Variants in AMPD3 observed in about 807,000 individuals in gnomAD.
AMPD3 encodes the protein adenosine monophosphate deaminase 3.
A neutral mutation model predicts 82.3 loss-of-function variants in AMPD3; 57 were observed. That is an observed-to-expected ratio of 0.69 (90% confidence interval 0.56 to 0.86). The LOEUF (loss-of-function observed/expected upper bound fraction) is 0.86, where lower values mean the gene tolerates loss of function less well. Among genes scored for constraint, AMPD3 ranks in the 40% least tolerant of loss-of-function variants. The probability of loss-of-function intolerance (pLI) is 0.00; values close to 1 mark genes in which losing one functional copy is unlikely to be tolerated. For missense variants in AMPD3, 870 were observed against 1,003.8 expected (o/e 0.87, Z 1.80); for synonymous variants, 381 against 394.7 (o/e 0.97, Z 0.41).
rs564551276 is a variant in AMPD3, at chr11:10,499,695, C to T, written c.1558-391C>T. ...GTGTACTAGGACCCTTTTCCCTCAT[C>T]GCTTGTCGCTGCTGCTGATGGCAAT... On this transcript the variant is annotated intron_variant, in intron 10 of 14. Coordinates refer to ENST00000396553, the MANE Select transcript of AMPD3 (RefSeq NM_001025389.2). 47 of 985,294 alleles carry T rather than the reference C, an allele frequency of 4.8e-5. 1 individual carries two copies. Among genetic ancestry groups the T allele is most frequent in the African/African-American group, 2.6e-4 (15 of 57,302 alleles). The allele number at this position is 985,294 out of a possible 1,614,324, so 61.0% of individuals were successfully genotyped here.
intron 3 of AMPD3, chr11:10,481,522 G>A (rs1359871091): frequency 1.0e-6 from 1 of 984,790 alleles, no homozygotes; most frequent in Admixed American, 6.2e-5. Flanking sequence ...TGTGTTGGGG[G>A]TCTCCAAGAC....
intron 13 of AMPD3, 22 bp from the exon 14 acceptor site, chr11:10,504,527 C>T (rs1240135477): frequency 6.3e-7 from 1 of 1,599,606 alleles, no homozygotes; most frequent in Non-Finnish European, 8.6e-7. Flanking sequence ...TTCTAATCCA[C>T]ATGCTTTGGG....
intron 12 of AMPD3, 66 bp from the exon 13 acceptor site, chr11:10,502,655 C>T (rs1849611430): frequency 6.2e-7 from 1 of 1,600,786 alleles, no homozygotes; most frequent in Non-Finnish European, 8.5e-7. Flanking sequence ...CCCTTCCTTT[C>T]TCCCTTCCCT....
intron 2 of AMPD3, among the ~76,000 whole-genome samples, chr11:10,462,785 G>A (rs1848309545): frequency 3.3e-5 from 5 of 152,192 alleles, no homozygotes; most frequent in Admixed American, 3.3e-4. Flanking sequence ...GTCAGGGAAG[G>A]CCTCTCCAAG....
chr11:10,480,179 C>T (rs764552533), intron 3 of AMPD3, among the ~76,000 whole-genome samples: 6 of 152,212 alleles, frequency 3.9e-5, no homozygotes, highest in Non-Finnish European at 5.9e-5. Context: ...CTCCTTGGCA[C>T]GCAGTAGGTC....
chr11:10,452,794 T>G (rs757215531), upstream of AMPD3, among the ~76,000 whole-genome samples: 3 of 152,220 alleles, frequency 2.0e-5, no homozygotes, highest in African/African-American at 7.2e-5. Flanking sequence ...TCACTTATGC[T>G]CATTGTCATG....
rs772758035 is a variant in AMPD3, at chr11:10,495,045, A to C, written c.1266+15A>C. On this transcript the variant is annotated intron_variant, in intron 8 of 14. Transcript: ENST00000396553. ...GGATGGTCAAGGTGAGTGAACCCTCAGTCTCTCTGAGGCCTCTCAGGTGCC... is the reference window on the plus strand; with the variant it reads ...GGATGGTCAAGGTGAGTGAACCCTCCGTCTCTCTGAGGCCTCTCAGGTGCC... 5 of 1,614,020 alleles carry C rather than the reference A, an allele frequency of 3.1e-6. No individual in the cohort carries two copies. The highest frequency in any genetic ancestry group is 1.7e-6 in the Non-Finnish European group (2 of 1,179,884).
At position 10,456,117 on chromosome 11, in the gene AMPD3, T is replaced by G; in HGVS notation, c.-6+669T>G. On this transcript the variant is annotated intron_variant, in intron 1 of 14. Transcript: ENST00000396553. The surrounding 1 kb of genome is among the most constrained non-coding windows in gnomAD (Gnocchi z 4.3). Reference sequence around the variant, plus strand: ...CACTGCATTCAGGATACCACAGCCATTTTGTTTTGGATAACTGGGATTACC... The same window carrying G: ...CACTGCATTCAGGATACCACAGCCAGTTTGTTTTGGATAACTGGGATTACC... The G allele has an allele frequency of 7.6e-7, 1 of 1,315,284 alleles. No individual in the cohort carries two copies. The highest frequency in any genetic ancestry group is 9.7e-7 in the Non-Finnish European group (1 of 1,029,608). 81.5% of individuals were successfully genotyped at this position (1,315,284 alleles called of 1,614,324 possible). A position where few individuals can be genotyped will look rare whatever the true frequency, so the allele number is the denominator to read the frequency against.
intron 12 of AMPD3, chr11:10,502,327 G>A (rs1057261032): frequency 1.3e-5 from 13 of 985,416 alleles, no homozygotes; most frequent in Non-Finnish European, 1.6e-5. Flanking sequence ...TCTCAACCTG[G>A]CTGTTTGCAG....
chr11:10,499,706 G>A, intron 10 of AMPD3: 1 of 985,296 alleles, frequency 1.0e-6, no homozygotes, highest in Non-Finnish European at 1.2e-6. Flanking sequence ...GCTTGTCGCT[G>A]CTGCTGATGG....
chr11:10,470,885 C>T (rs1186643246), intron 2 of AMPD3, among the ~76,000 whole-genome samples: 2 of 152,290 alleles, frequency 1.3e-5, no homozygotes, highest in East Asian at 1.9e-4. Context: ...GGCCATACTG[C>T]CCAAAGTAAT....
intron 1 of AMPD3, among the ~76,000 whole-genome samples, chr11:10,458,385 C>T (rs960549854): frequency 4.6e-5 from 7 of 151,430 alleles, no homozygotes; most frequent in Non-Finnish European, 7.4e-5. Flanking sequence ...CTATTTTTCT[C>T]TCTTTTCATA....
rs927503144 is a variant in AMPD3 at position 10,488,316 on chromosome 11, T to C, written c.939+952T>C. 5.1e-6 allele frequency: 5 copies of C among 985,308 alleles called. No individual in the cohort carries two copies. In the Admixed American group the frequency reaches 3.1e-4, roughly 61 times the overall value. 61.0% of individuals were successfully genotyped at this position (985,308 alleles called of 1,614,324 possible). A position where few individuals can be genotyped will look rare whatever the true frequency, so the allele number is the denominator to read the frequency against. On this transcript the variant is annotated intron_variant, in intron 6 of 14. Coordinates refer to ENST00000396553, the MANE Select transcript of AMPD3 (RefSeq NM_001025389.2). The stretch of plus-strand genomic sequence containing the variant: ...GATGGTGAGCAAGAGTCACTTCCTG[T>C]CAACCAGGTGGCTTTGAGGGAGAGG...
chr11:10,451,081 A>G, upstream of AMPD3: 1 of 1,558,770 alleles, frequency 6.4e-7, no homozygotes, highest in African/African-American at 1.4e-5. Context: ...ACCTTGGGCC[A>G]GCCCCGCGGA....
intron 8 of AMPD3, 101 bp from the exon 9 acceptor site, chr11:10,495,469 A>G (rs1352915000): frequency 1.3e-6 from 2 of 1,597,010 alleles, no homozygotes; most frequent in Admixed American, 1.7e-5. Flanking sequence ...CCTGGGAGCA[A>G]GGTGGCTGGG....
At position 10,478,679 on chromosome 11, in the gene AMPD3, T is replaced by A. The variant is rs1203200424; in HGVS notation, c.375T>A (p.Tyr125Ter). 6.2e-7 allele frequency: 1 copy of A among 1,614,036 alleles called. No individual in the cohort carries two copies. Among genetic ancestry groups the A allele is most frequent in the Middle Eastern group, 1.6e-4 (1 of 6,084 alleles). ...GATSLPTPAP[Y>*]AMPEFQRVTI... ...CTTCCCTGCCCACGCCAGCACCCTA[T>A]GCCATGCCTGAGTTCCAGCGGGTCA... The change falls in exon 3 of 15, where the codon TAT (tyrosine) becomes TAA (stop). Residue 125 changes from tyrosine (Y) to a stop codon, truncating the protein, a stop_gained. Coordinates refer to ENST00000396553, the MANE Select transcript of AMPD3 (RefSeq NM_001025389.2). LOFTEE classifies it high-confidence loss of function.
Position 10,461,722 on chromosome 11 carries a change from C to A in AMPD3, c.203C>A (p.Ser68Tyr). Reference protein sequence around the residue: ...ELQKELAEQKSVETAKRKKSF... With the variant: ...ELQKELAEQKYVETAKRKKSF... Reference sequence around the variant, plus strand: ...CAGAAGGAGCTGGCAGAGCAGAAGTCTGTGGAGACCGCAAAAAGGTTTGTT... The same window carrying A: ...CAGAAGGAGCTGGCAGAGCAGAAGTATGTGGAGACCGCAAAAAGGTTTGTT... The change falls in exon 2 of 15, where the codon TCT becomes TAT. Residue 68 changes from serine (S) to tyrosine (Y), a missense_variant. By Grantham distance (144) the Ser-to-Tyr change is moderately radical. Coordinates refer to ENST00000396553, the MANE Select transcript of AMPD3 (RefSeq NM_001025389.2). 2 of 1,612,796 alleles carry A rather than the reference C, an allele frequency of 1.2e-6. No individual in the cohort carries two copies. The highest frequency in any genetic ancestry group is 2.2e-5 in the South Asian group (2 of 90,920).
intron 1 of AMPD3, among the ~76,000 whole-genome samples, chr11:10,457,076 C>T (rs1379260836): frequency 5.3e-5 from 8 of 150,356 alleles, no homozygotes; most frequent in Admixed American, 5.3e-4. Flanking sequence ...CTCCAGGACT[C>T]GAGCAATTCT....
At chr11:10,473,931 G>A (rs545471403) in intron 2 of AMPD3, among the ~76,000 whole-genome samples, 2 of 152,278 alleles carry the variant, frequency 1.3e-5, no homozygotes, top group East Asian at 3.9e-4. Flanking sequence ...CTTTATTTTA[G>A]CGTAACAATT....
Sources: gnomAD v4.1 joint callset for allele counts (sites outside exome capture counted in the v4.1 genomes callset) on GRCh38, gnomAD v4.1.1 for gene constraint, Gnocchi (gnomAD v3.1) non-coding constraint, MANE v1.5 for transcripts, NCBI Gene and HGNC (gene_info 2026-07-23, HGNC 2026-07-21) for gene names.